The following AGBL4 variants were observed in gnomAD, a reference collection of about 807,000 sequenced individuals.
AGBL4 encodes AGBL carboxypeptidase 4.
AGBL4 carries 58 observed loss-of-function variants against 66.4 expected under a neutral mutation model. That is an observed-to-expected ratio of 0.87 (90% CI 0.71 to 1.09). The LOEUF (loss-of-function observed/expected upper bound fraction) is 1.09. Ranked by LOEUF, AGBL4 falls within the 50% of genes least tolerant of loss-of-function variation. The probability of loss-of-function intolerance (pLI) is 0.00; values close to 1 mark genes in which losing one functional copy is unlikely to be tolerated. For missense variants in AGBL4, 579 were observed against 631.0 expected (o/e 0.92, Z 0.88); for synonymous variants, 234 against 222.9 (o/e 1.05, Z -0.44).
chr1:48,732,608 G>T (rs116446730), intron 6 of AGBL4, among the ~76,000 whole-genome samples: 33 of 152,298 alleles, frequency 2.2e-4, no homozygotes, highest in Non-Finnish European at 4.4e-4. Flanking sequence ...AGGGCACGCA[G>T]ATCAGGAGCA....
chr1:49,032,714 T>C (rs1664331660), intron 5 of AGBL4, among the ~76,000 whole-genome samples: 1 of 152,152 alleles, frequency 6.6e-6, no homozygotes, highest in Admixed American at 6.5e-5. Flanking sequence ...GCTGTTGTGA[T>C]TTCCTGGGAC....
At chr1:49,537,096 A>G (rs764598262) in intron 3 of AGBL4, among the ~76,000 whole-genome samples, 1 of 152,182 alleles carries the variant, frequency 6.6e-6, no homozygotes, top group Admixed American at 6.5e-5. Flanking sequence ...ACCTATATGC[A>G]GAAGAATGGA....
At chr1:49,404,023 C>A (rs962392698) in intron 3 of AGBL4, among the ~76,000 whole-genome samples, 4 of 152,098 alleles carry the variant, frequency 2.6e-5, no homozygotes, top group East Asian at 3.9e-4. Context: ...ATGTAAAAAT[C>A]ATTTCTTGCA....
intron 3 of AGBL4, among the ~76,000 whole-genome samples, chr1:49,378,836 T>C (rs369837510): frequency 2.0e-4 from 30 of 152,246 alleles, no homozygotes; most frequent in African/African-American, 7.2e-4. Context: ...TCCAGCTCTA[T>C]TACCCTTACC....
intron 4 of AGBL4, among the ~76,000 whole-genome samples, chr1:49,228,217 CTT>C (rs780920465): frequency 3.9e-5 from 6 of 152,152 alleles, no homozygotes; most frequent in African/African-American, 9.7e-5. Flanking sequence ...TTTGTGAACA[CTT>C]ATTATTTGTC....
At chr1:49,512,110 C>T (rs928084270) in intron 3 of AGBL4, among the ~76,000 whole-genome samples, 3 of 151,674 alleles carry the variant, frequency 2.0e-5, no homozygotes, top group Admixed American at 6.6e-5. Context: ...TGTCTTTAGA[C>T]GTAAGAAAAA....
chr1:48,848,228 C>A (rs551548774), intron 6 of AGBL4, among the ~76,000 whole-genome samples: 2 of 152,364 alleles, frequency 1.3e-5, no homozygotes, highest in South Asian at 4.1e-4. Flanking sequence ...ATGTCAGTTT[C>A]CTTTCCAAGT....
rs927981793 is a variant in AGBL4 at position 49,952,403 on chromosome 1, GA to G, written c.34+71359del. 3.3e-5 allele frequency among the ~76,000 whole-genome samples: 5 copies of G among 151,550 alleles called. No individual in the cohort carries two copies. In the East Asian group the frequency reaches 5.8e-4, roughly 18 times the overall value. ...AAGCAGAAGCATTTCTCATGGACAGGAAAAAAAAGTTGAAATTTCAAGCACT... is the reference window on the plus strand; with the variant it reads ...AAGCAGAAGCATTTCTCATGGACAGGAAAAAAAGTTGAAATTTCAAGCACT... On this transcript the variant is annotated intron_variant, in intron 1 of 13. Transcript: ENST00000371839.
chr1:48,820,437 A>C (rs1309812895), intron 6 of AGBL4, among the ~76,000 whole-genome samples: 1 of 152,160 alleles, frequency 6.6e-6, no homozygotes, highest in Non-Finnish European at 1.5e-5. Flanking sequence ...TTTAACACTT[A>C]AATTGATAAA....
chr1:48,860,008 G>A (rs775161857), intron 6 of AGBL4, among the ~76,000 whole-genome samples: 3 of 152,012 alleles, frequency 2.0e-5, no homozygotes, highest in South Asian at 2.1e-4. Context: ...CACTACATTC[G>A]AATAACAATA....
chr1:49,340,431 A>T (rs761665513), intron 3 of AGBL4, among the ~76,000 whole-genome samples: 12 of 152,180 alleles, frequency 7.9e-5, no homozygotes, highest in Non-Finnish European at 1.6e-4. Context: ...GCCAAATCCT[A>T]TCAAGACAAA....
At chr1:49,880,950 G>C (rs550380923) in intron 1 of AGBL4, among the ~76,000 whole-genome samples, 2 of 152,182 alleles carry the variant, frequency 1.3e-5, no homozygotes, top group Non-Finnish European at 2.9e-5. Flanking sequence ...CCCTTTCTTT[G>C]ACTCGGAAAG....
intron 3 of AGBL4, among the ~76,000 whole-genome samples, chr1:49,477,509 A>G (rs1301638801): frequency 6.6e-6 from 1 of 152,162 alleles, no homozygotes; most frequent in Non-Finnish European, 1.5e-5. Context: ...TCATAGCATT[A>G]CTAGGCTTGG....
At chr1:49,467,738 C>T (rs1646660218) in intron 3 of AGBL4, among the ~76,000 whole-genome samples, 1 of 151,836 alleles carries the variant, frequency 6.6e-6, no homozygotes, top group Non-Finnish European at 1.5e-5. Context: ...TTCTTAAGGT[C>T]TTGTTCAATT....
chr1:48,720,990 G>A (rs1471886256), intron 6 of AGBL4, among the ~76,000 whole-genome samples: 1 of 150,196 alleles, frequency 6.7e-6, no homozygotes, highest in East Asian at 2.0e-4. Flanking sequence ...CAAGGTTAAT[G>A]ATCTAAAAGA....
At chr1:49,035,493 T>C (rs1664569228) in intron 5 of AGBL4, among the ~76,000 whole-genome samples, 1 of 152,152 alleles carries the variant, frequency 6.6e-6, no homozygotes. Flanking sequence ...TTGACATACT[T>C]CTGGGGTCTT....
At chr1:49,670,170 C>A (rs1051115909) in intron 3 of AGBL4, among the ~76,000 whole-genome samples, 1 of 152,042 alleles carries the variant, frequency 6.6e-6, no homozygotes, top group Non-Finnish European at 1.5e-5. Context: ...CTTTAAAAAT[C>A]ATCAGAGCTT....
chr1:48,580,401 G>A (rs1644722062), intron 11 of AGBL4, among the ~76,000 whole-genome samples: 1 of 152,216 alleles, frequency 6.6e-6, no homozygotes, highest in Non-Finnish European at 1.5e-5. Context: ...CCCAGATTGA[G>A]GGGAAAGGCT....
rs191772770 is a variant in AGBL4 at position 49,579,644 on chromosome 1, C to T, written c.282+117669G>A. ...CCTCCCGAGTAGCTGGGACTACAGG[C>T]GCCTGTCACCGTGCCCAGCTAATTT... On this transcript the variant is annotated intron_variant, in intron 3 of 13. Transcript: ENST00000371839. 1.5e-4 allele frequency among the ~76,000 whole-genome samples: 23 copies of T among 152,196 alleles called. No individual in the cohort carries two copies. The East Asian group carries it at 2.3e-3, about 15-fold the overall frequency.
Sources: gnomAD v4.1 joint callset for allele counts (sites outside exome capture counted in the v4.1 genomes callset) on GRCh38, gnomAD v4.1.1 for gene constraint, MANE v1.5 for transcripts, NCBI Gene and HGNC (gene_info 2026-07-23, HGNC 2026-07-21) for gene names.